The following AKAP6 variants were observed in gnomAD, a reference collection of about 807,000 sequenced individuals.
AKAP6 encodes A-kinase anchoring protein 6.
A neutral mutation model predicts 188.5 loss-of-function variants in AKAP6; 58 were observed. That is an observed-to-expected ratio of 0.31 (90% confidence interval 0.25 to 0.38). AKAP6 has a LOEUF of 0.38. AKAP6 is among the 10% of genes least tolerant of loss of function. The pLI, the probability that AKAP6 is intolerant of heterozygous loss-of-function variation, is 1.00. For synonymous variants in AKAP6, 989 were observed against 998.6 expected (o/e 0.99, Z 0.18); for missense variants, 2,710 against 2,740.0 (o/e 0.99, Z 0.24).
intron 5 of AKAP6, among the ~76,000 whole-genome samples, chr14:32,577,700 T>C (rs758146371): frequency 6.6e-6 from 1 of 152,120 alleles, no homozygotes; most frequent in Non-Finnish European, 1.5e-5. Context: ...AATGATGATC[T>C]CCATCATTTT....
At chr14:32,558,501 A>G (rs1231503719) in intron 4 of AKAP6, among the ~76,000 whole-genome samples, 1 of 152,228 alleles carries the variant, frequency 6.6e-6, no homozygotes, top group Admixed American at 6.5e-5. Context: ...AGTAGAATTT[A>G]TATAGCAGAG....
At chr14:32,807,342 GATTTAA>G (rs1406725974) in intron 12 of AKAP6, among the ~76,000 whole-genome samples, 11 of 147,452 alleles carry the variant, frequency 7.5e-5, no homozygotes, top group African/African-American at 2.5e-4. Context: ...AAAAAAAAAA[GATTTAA>G]ATTTCACTCA....
intron 9 of AKAP6, among the ~76,000 whole-genome samples, chr14:32,711,900 G>A (rs1367264714): frequency 6.6e-6 from 1 of 151,902 alleles, no homozygotes; most frequent in African/African-American, 2.4e-5. Flanking sequence ...AGTGAGGGGG[G>A]TGGACTCAGT....
At chr14:32,672,818 A>C (rs1889268053) in intron 7 of AKAP6, among the ~76,000 whole-genome samples, 1 of 152,194 alleles carries the variant, frequency 6.6e-6, no homozygotes. Flanking sequence ...TTCTTGATGC[A>C]ACTTTCTCCA....
intron 11 of AKAP6, among the ~76,000 whole-genome samples, chr14:32,756,014 C>A (rs1458401917): frequency 6.6e-6 from 1 of 152,208 alleles, no homozygotes; most frequent in Non-Finnish European, 1.5e-5. Flanking sequence ...GTCAATTGGT[C>A]TAGAGATTCT....
intron 1 of AKAP6, among the ~76,000 whole-genome samples, chr14:32,358,700 C>T (rs377057395): frequency 1.3e-4 from 19 of 151,804 alleles, no homozygotes; most frequent in Non-Finnish European, 2.2e-4. Flanking sequence ...CTTTGGAGCT[C>T]GGGTGGTGGG....
intron 7 of AKAP6, among the ~76,000 whole-genome samples, chr14:32,609,290 G>A (rs1435987625): frequency 6.6e-6 from 1 of 152,070 alleles, no homozygotes; most frequent in Non-Finnish European, 1.5e-5. Flanking sequence ...CTTTCTCTTT[G>A]GAATTCAGTT....
intron 5 of AKAP6, among the ~76,000 whole-genome samples, chr14:32,581,300 G>T (rs1191931424): frequency 6.6e-6 from 1 of 152,138 alleles, no homozygotes; most frequent in Non-Finnish European, 1.5e-5. Flanking sequence ...GTAGTTGAGC[G>T]GTTTTGAGTG....
At chr14:32,503,769 A>T (rs1880722840) in intron 2 of AKAP6, among the ~76,000 whole-genome samples, 7 of 151,922 alleles carry the variant, frequency 4.6e-5, no homozygotes, top group Admixed American at 4.6e-4. Flanking sequence ...CATAGTTTTA[A>T]TTACTGAGAC....
intron 11 of AKAP6, among the ~76,000 whole-genome samples, chr14:32,747,381 C>T (rs2031955447): frequency 6.6e-6 from 1 of 152,180 alleles, no homozygotes; most frequent in South Asian, 2.1e-4. Flanking sequence ...TAAAGAATTA[C>T]AGTAACTCAG....
intron 13 of AKAP6, among the ~76,000 whole-genome samples, chr14:32,828,506 A>C (rs576242819): frequency 8.3e-4 from 118 of 141,382 alleles, no homozygotes; most frequent in African/African-American, 2.8e-3. Context: ...CCTATCATCT[A>C]TCTCTCTCTC....
At chr14:32,549,760 C>G (rs1357605721) in intron 4 of AKAP6, among the ~76,000 whole-genome samples, 1 of 152,212 alleles carries the variant, frequency 6.6e-6, no homozygotes, top group Non-Finnish European at 1.5e-5. Flanking sequence ...GATTAGGAAA[C>G]TTGCTCAAGT....
At chr14:32,757,144 G>A (rs2032367080) in intron 11 of AKAP6, among the ~76,000 whole-genome samples, 1 of 152,158 alleles carries the variant, frequency 6.6e-6, no homozygotes, top group Non-Finnish European at 1.5e-5. Flanking sequence ...TAATGTAAAA[G>A]TTTCCTTCCT....
At chr14:32,775,089 G>A (rs1226534704) in intron 12 of AKAP6, among the ~76,000 whole-genome samples, 1 of 152,118 alleles carries the variant, frequency 6.6e-6, no homozygotes, top group African/African-American at 2.4e-5. Flanking sequence ...AGACTTCCAA[G>A]TTATTACTAG....
At chr14:32,360,551 AAATTTTTCTGTAAGG>A (rs756681362) in intron 1 of AKAP6, among the ~76,000 whole-genome samples, 3 of 151,974 alleles carry the variant, frequency 2.0e-5, no homozygotes, top group Non-Finnish European at 4.4e-5. Context: ...TTATTATTTG[AAATTTTTCTGTAAGG>A]AATTTTTTCA....
At chr14:32,601,447 T>C (rs1332294031) in intron 7 of AKAP6, among the ~76,000 whole-genome samples, 1 of 152,254 alleles carries the variant, frequency 6.6e-6, no homozygotes, top group African/African-American at 2.4e-5. Context: ...ATAAAACATA[T>C]GCAATTGAAC....
At chr14:32,793,600 A>G (rs928369789) in intron 12 of AKAP6, among the ~76,000 whole-genome samples, 1 of 152,084 alleles carries the variant, frequency 6.6e-6, no homozygotes, top group Non-Finnish European at 1.5e-5. Context: ...CCCCACTGAC[A>G]CTACTTGAGA....
At chr14:32,575,687 ATCC>A (rs1884685762) in intron 4 of AKAP6, among the ~76,000 whole-genome samples, 1 of 152,168 alleles carries the variant, frequency 6.6e-6, no homozygotes, top group Non-Finnish European at 1.5e-5. Flanking sequence ...TGTGATATGT[ATCC>A]CTGGGTGTGA....
rs5807670 is a variant in AKAP6 at position 32,629,677 on chromosome 14, A to AT, written c.2730+28901dup. Among the ~76,000 whole-genome samples, 1,320 of 141,180 alleles carry AT rather than the reference A, an allele frequency of 9.3e-3. 10 individuals are homozygous for AT. Among genetic ancestry groups the AT allele is most frequent in the Non-Finnish European group, 0.014 (888 of 64,790 alleles). 92.6% of individuals were successfully genotyped at this position (141,180 alleles called of 152,430 possible). A position where few individuals can be genotyped will look rare whatever the true frequency, so the allele number is the denominator to read the frequency against. The stretch of plus-strand genomic sequence containing the variant: ...CAAGTGAAGCTAATTGCATATAAGC[A>AT]TTTTTTTTTTTTTTTTGGTCAGGAA... On this transcript the variant is annotated intron_variant, in intron 7 of 13. Transcript: ENST00000280979.
Sources: allele counts gnomAD v4.1 joint callset (sites outside exome capture counted in the v4.1 genomes callset), GRCh38; gene constraint gnomAD v4.1.1; transcripts MANE v1.5; gene names NCBI Gene and HGNC (gene_info 2026-07-23, HGNC 2026-07-21).